The following SLC39A10 variants were observed in gnomAD, a reference collection of about 807,000 sequenced individuals.
The protein encoded by SLC39A10 is zinc transporter ZIP10.
A neutral mutation model predicts 65.1 loss-of-function variants in SLC39A10; 13 were observed. The ratio of observed to expected loss-of-function variants is 0.20; its 90% CI spans 0.13 to 0.32. SLC39A10 has a LOEUF of 0.32. SLC39A10 is among the 10% of genes least tolerant of loss of function. The probability of loss-of-function intolerance (pLI) is 1.00; values close to 1 mark genes in which losing one functional copy is unlikely to be tolerated. For missense variants in SLC39A10, 831 were observed against 1,018.4 expected, an observed-to-expected ratio of 0.82 and a Z score of 2.50; for synonymous variants, 321 against 342.2, an observed-to-expected ratio of 0.94 and a Z score of 0.68.
rs557289730 is a variant in SLC39A10 at position 195,674,654 on chromosome 2, A to G, written c.-11-5378A>G. 5 of 984,718 alleles carry G rather than the reference A, an allele frequency of 5.1e-6. No individual in the cohort carries two copies. The South Asian group carries it at 1.9e-4, about 37-fold the overall frequency. The allele number at this position is 984,718 out of a possible 1,614,324, so 61.0% of individuals were successfully genotyped here. A position where few individuals can be genotyped will look rare whatever the true frequency, so the allele number is the denominator to read the frequency against. On this transcript the variant is annotated intron_variant, in intron 1 of 9. Coordinates refer to ENST00000359634, the MANE Select transcript of SLC39A10 (RefSeq NM_020342.3). ...TCTGTGAGTATTGCCTCTCCCACAT[A>G]CAGTCATATGCATTGCTTAATGCTG...
intron 1 of SLC39A10, among the ~76,000 whole-genome samples, chr2:195,667,510 T>C (rs1293454320): frequency 6.6e-6 from 1 of 152,212 alleles, no homozygotes; most frequent in East Asian, 1.9e-4. Context: ...CATGTGCTCT[T>C]GTAATATTTT....
At chr2:195,629,429 A>C (rs1250134397) in intron 2 of SLC39A10, among the ~76,000 whole-genome samples, 1 of 151,298 alleles carries the variant, frequency 6.6e-6, no homozygotes, top group Non-Finnish European at 1.5e-5. Flanking sequence ...CTTGACCTTC[A>C]ACCCACCCCC....
chr2:195,626,055 A>G (rs891666702), intron 2 of SLC39A10, among the ~76,000 whole-genome samples: 1 of 152,210 alleles, frequency 6.6e-6, no homozygotes, highest in Non-Finnish European at 1.5e-5. Flanking sequence ...AAGTGCTGGA[A>G]TTATAGAAGT....
At chr2:195,701,435 CTTTTTTTTTT>C (rs66525117) in intron 3 of SLC39A10, among the ~76,000 whole-genome samples, 188 of 5,538 alleles carry the variant, frequency 0.034, 8 homozygotes, top group Non-Finnish European at 0.049. Context: ...TTCTGTGATT[CTTTTTTTTTT>C]TTTTTTTTTT....
intron 6 of SLC39A10, among the ~76,000 whole-genome samples, chr2:195,715,067 T>C (rs1691740014): frequency 6.6e-6 from 1 of 152,182 alleles, no homozygotes; most frequent in Admixed American, 6.5e-5. Flanking sequence ...ACAAACCTTA[T>C]AATCAAATTA....
intron 3 of SLC39A10, among the ~76,000 whole-genome samples, chr2:195,694,351 T>C (rs1448368974): frequency 2.0e-5 from 3 of 152,234 alleles, no homozygotes; most frequent in Non-Finnish European, 4.4e-5. Context: ...CATTGTTTCT[T>C]TGCTGACTTT....
At chr2:195,730,488 C>T (rs1351234589) in intron 9 of SLC39A10, among the ~76,000 whole-genome samples, 2 of 152,196 alleles carry the variant, frequency 1.3e-5, no homozygotes, top group Non-Finnish European at 1.5e-5. Context: ...TGCCATCACG[C>T]CCAGTCTTTT....
chr2:195,706,204 T>G (rs1691391070), intron 3 of SLC39A10, among the ~76,000 whole-genome samples: 1 of 152,126 alleles, frequency 6.6e-6, no homozygotes. Flanking sequence ...TGTAACACGT[T>G]AAATAGATAC....
At chr2:195,683,114 A>ATTATTTTTTT (rs961057714) in intron 2 of SLC39A10, among the ~76,000 whole-genome samples, 26 of 149,658 alleles carry the variant, frequency 1.7e-4, no homozygotes, top group African/African-American at 6.4e-4. Context: ...TTTGTTTTTT[A>ATTATTTTTTT]TTATTTTTTT....
At chr2:195,647,665 G>A (rs549664413) in intron 2 of SLC39A10, among the ~76,000 whole-genome samples, 4 of 145,876 alleles carry the variant, frequency 2.7e-5, no homozygotes, top group East Asian at 2.0e-4. Context: ...CTTGCCATGC[G>A]ATACTGTAAT....
chr2:195,631,991 C>G (rs1688595012), intron 2 of SLC39A10, among the ~76,000 whole-genome samples: 1 of 151,860 alleles, frequency 6.6e-6, no homozygotes, highest in Non-Finnish European at 1.5e-5. Context: ...TGGGCTCAAG[C>G]AATCCTCCCA....
Position 195,683,832 on chromosome 2 carries a change from A to G in SLC39A10, c.1142A>G (p.Asp381Gly). ...AGCAGACTTTGTATTGAGCATTTTG[A>G]CAAACTTTTAGTTGAAGATATAAAT... ...IDSRLCIEHFDKLLVEDINKD... is the reference protein window; with the variant it reads ...IDSRLCIEHFGKLLVEDINKD... The change falls in exon 3 of 10, where the codon GAC (aspartate) becomes GGC (glycine). Residue 381 changes from aspartate (D) to glycine (G), a missense_variant. By Grantham distance (94) the Asp-to-Gly change is moderately conservative. Transcript: ENST00000359634. 1 of 1,613,408 alleles carries G rather than the reference A, an allele frequency of 6.2e-7. No individual in the cohort carries two copies. The highest frequency in any genetic ancestry group is 8.5e-7 in the Non-Finnish European group (1 of 1,179,526).
chr2:195,685,393 C>T (rs999377748), intron 3 of SLC39A10, among the ~76,000 whole-genome samples: 4 of 151,954 alleles, frequency 2.6e-5, no homozygotes, highest in Non-Finnish European at 2.9e-5. Context: ...ATTTTTTTCT[C>T]ATACATTTTA....
intron 3 of SLC39A10, among the ~76,000 whole-genome samples, chr2:195,702,726 A>G (rs1691239919): frequency 6.6e-6 from 1 of 152,218 alleles, no homozygotes; most frequent in Non-Finnish European, 1.5e-5. Flanking sequence ...TAAAATTTCC[A>G]TGGAAAGTTC....
chr2:195,680,359 A>C lies in SLC39A10; in HGVS notation c.317A>C (p.His106Pro), dbSNP rs775610845. Residue 106 changes from histidine to proline, a missense_variant, in exon 2 of 10, where the codon CAC becomes CCC. Around this residue, in one of 4 missense-constraint regions of SLC39A10, gnomAD observed 446 missense variants for 499.2 expected, o/e 0.89. Transcript: ENST00000359634. ...VVEINHEDLG[H>P]DHVSHLDILA... ...GAGATTAATCATGAGGATCTTGGCC[A>C]CGATCATGTTTCTCATTTAGATATT... The C allele has an allele frequency of 6.2e-7, 1 of 1,614,202 alleles. No homozygotes were observed. Among genetic ancestry groups the C allele is most frequent in the Non-Finnish European group, 8.5e-7 (1 of 1,180,036 alleles).
intron 2 of SLC39A10, among the ~76,000 whole-genome samples, chr2:195,637,336 G>C (rs1249338514): frequency 6.6e-6 from 1 of 152,168 alleles, no homozygotes; most frequent in African/African-American, 2.4e-5. Flanking sequence ...ACAAATGGCG[G>C]TCTTTGCCCC....
At chr2:195,655,685 C>A (rs1255847467), upstream of SLC39A10, among the ~76,000 whole-genome samples, 1 of 152,194 alleles carries the variant, frequency 6.6e-6, no homozygotes. Flanking sequence ...GAAACTAGGA[C>A]TCAGGCTTAA....
chr2:195,663,465 TTAC>T (rs1476580052), intron 1 of SLC39A10, among the ~76,000 whole-genome samples: 3 of 151,770 alleles, frequency 2.0e-5, no homozygotes, highest in Non-Finnish European at 4.4e-5. Flanking sequence ...ACATGGTGTG[TTAC>T]TACATTATAA....
At chr2:195,661,656 T>A (rs1248538810) in intron 1 of SLC39A10, among the ~76,000 whole-genome samples, 2 of 152,148 alleles carry the variant, frequency 1.3e-5, no homozygotes, top group Non-Finnish European at 2.9e-5. Flanking sequence ...CGAATACTGT[T>A]TTCCTATCAG....
Sources: gnomAD v4.1 joint callset for allele counts (sites outside exome capture counted in the v4.1 genomes callset) on GRCh38, gnomAD v4.1.1 for gene constraint, gnomAD v4.1.1 regional missense constraint, MANE v1.5 for transcripts, NCBI Gene and HGNC (gene_info 2026-07-23, HGNC 2026-07-21) for gene names.